Variants in ITGA9 observed in about 807,000 individuals in gnomAD.
ITGA9 encodes the protein integrin alpha-9.
Under a neutral mutation model 127.8 loss-of-function variants are expected in ITGA9, and 56 were observed. The observed-to-expected ratio is 0.44, with a 90% CI of 0.35 to 0.55. The LOEUF is 0.55. Among genes scored for constraint, ITGA9 ranks in the 20% least tolerant of loss-of-function variants. ITGA9 has a pLI of 0.00. For synonymous variants in ITGA9, 508 were observed against 514.5 expected, an observed-to-expected ratio of 0.99 and a Z score of 0.17; for missense variants, 1,196 against 1,347.1, an observed-to-expected ratio of 0.89 and a Z score of 1.76.
At chr3:37,804,494 G>A (rs1697270604) in intron 27 of ITGA9, among the ~76,000 whole-genome samples, 1 of 152,174 alleles carries the variant, frequency 6.6e-6, no homozygotes, top group Non-Finnish European at 1.5e-5. Context: ...AGAAAGGGGT[G>A]TCCTCATCCC....
chr3:37,495,917 A>T (rs986483477), intron 5 of ITGA9, among the ~76,000 whole-genome samples: 4 of 152,170 alleles, frequency 2.6e-5, no homozygotes, highest in African/African-American at 9.7e-5. Context: ...TTCCCAGTCC[A>T]TGGAGGATTA....
intron 23 of ITGA9, among the ~76,000 whole-genome samples, chr3:37,773,128 G>A (rs1466521194): frequency 6.6e-6 from 1 of 152,182 alleles, no homozygotes; most frequent in Non-Finnish European, 1.5e-5. Flanking sequence ...ACACTGGCTG[G>A]GCTGGAGCTC....
chr3:37,665,735 G>A (rs1207567476), intron 17 of ITGA9, among the ~76,000 whole-genome samples: 10 of 152,186 alleles, frequency 6.6e-5, no homozygotes, highest in African/African-American at 1.4e-4. Context: ...GATTACAGGC[G>A]TGAGCCACCG....
intron 18 of ITGA9, among the ~76,000 whole-genome samples, chr3:37,710,409 C>A (rs564447269): frequency 0.061 from 3,113 of 51,394 alleles, 49 homozygotes; most frequent in Middle Eastern, 0.12. Context: ...ATCCCCCCCC[C>A]ACACACATAA....
chr3:37,701,535 G>A (rs1331275972), intron 18 of ITGA9, among the ~76,000 whole-genome samples: 1 of 152,182 alleles, frequency 6.6e-6, no homozygotes, highest in Non-Finnish European at 1.5e-5. Flanking sequence ...GGAGTCTGGG[G>A]CCTTTATCCA....
chr3:37,471,165 G>T (rs755215406), intron 2 of ITGA9, 31 bp downstream of exon 2: 1 of 1,612,738 alleles, frequency 6.2e-7, no homozygotes, highest in Non-Finnish European at 8.5e-7. Flanking sequence ...TGGTGGAAAT[G>T]GGTTCTGTAC....
intron 3 of ITGA9, among the ~76,000 whole-genome samples, chr3:37,476,101 C>T (rs975548558): frequency 2.0e-5 from 3 of 152,168 alleles, no homozygotes; most frequent in Non-Finnish European, 2.9e-5. Flanking sequence ...TATTGACGGA[C>T]ATTTAGGTTG....
chr3:37,645,724 T>C (rs983682154), intron 16 of ITGA9, among the ~76,000 whole-genome samples: 1 of 152,208 alleles, frequency 6.6e-6, no homozygotes, highest in Non-Finnish European at 1.5e-5. Flanking sequence ...ATGTCAATAA[T>C]TGTATTTTTT....
chr3:37,686,042 A>T (rs547761693), intron 18 of ITGA9, among the ~76,000 whole-genome samples: 13 of 152,222 alleles, frequency 8.5e-5, no homozygotes, highest in Non-Finnish European at 1.3e-4. Context: ...ATTAAGTAAA[A>T]TTGTGAGAAA....
intron 8 of ITGA9, among the ~76,000 whole-genome samples, chr3:37,511,964 CTTT>C (rs67324027): frequency 0.15 from 13,000 of 88,410 alleles, 2,926 homozygotes; most frequent in East Asian, 0.28. Flanking sequence ...TGCTTTTTCT[CTTT>C]CTTTTCTTTT....
chr3:37,684,841 T>C (rs1355856935), intron 18 of ITGA9, among the ~76,000 whole-genome samples: 2 of 152,128 alleles, frequency 1.3e-5, no homozygotes, highest in Non-Finnish European at 2.9e-5. Flanking sequence ...TTAGAGTAAA[T>C]TAATTTGAAT....
chr3:37,733,997 C>T (rs1199254412), intron 19 of ITGA9, among the ~76,000 whole-genome samples: 4 of 152,198 alleles, frequency 2.6e-5, no homozygotes, highest in Admixed American at 2.6e-4. Flanking sequence ...TCACCATATA[C>T]ATATCAGGCA....
chr3:37,537,485 G>T (rs1323471214), intron 14 of ITGA9, among the ~76,000 whole-genome samples: 1 of 152,234 alleles, frequency 6.6e-6, no homozygotes, highest in Non-Finnish European at 1.5e-5. Flanking sequence ...GAGGACAACA[G>T]CTTCATAAAC....
At chr3:37,621,996 A>G (rs1175972372) in intron 15 of ITGA9, among the ~76,000 whole-genome samples, 1 of 152,188 alleles carries the variant, frequency 6.6e-6, no homozygotes, top group Admixed American at 6.5e-5. Context: ...TAGTTCAAAC[A>G]GTTCAAGCAT....
intron 17 of ITGA9, among the ~76,000 whole-genome samples, chr3:37,682,232 C>T (rs77185230): frequency 6.6e-6 from 1 of 152,228 alleles, no homozygotes; most frequent in African/African-American, 2.4e-5. Context: ...TTGTTCTCCT[C>T]CTACATCTCT....
At chr3:37,562,678 T>C (rs1468318950) in intron 15 of ITGA9, among the ~76,000 whole-genome samples, 1 of 152,152 alleles carries the variant, frequency 6.6e-6, no homozygotes, top group East Asian at 1.9e-4. Flanking sequence ...ATTTTGGCAG[T>C]TATATATTGG....
intron 18 of ITGA9, among the ~76,000 whole-genome samples, chr3:37,697,500 G>A (rs1234221621): frequency 1.4e-5 from 2 of 144,668 alleles, no homozygotes; most frequent in Admixed American, 1.4e-4. Flanking sequence ...CCAACCCCAC[G>A]ACAGGCCCCC....
intron 1 of ITGA9, among the ~76,000 whole-genome samples, chr3:37,458,649 G>C (rs886353349): frequency 3.3e-5 from 5 of 152,236 alleles, no homozygotes; most frequent in Non-Finnish European, 7.3e-5. Flanking sequence ...CCTGGAGCCT[G>C]CCACGCGTGA....
chr3:37,586,389 C>G (rs114896293), intron 15 of ITGA9, among the ~76,000 whole-genome samples: 1 of 152,188 alleles, frequency 6.6e-6, no homozygotes, highest in African/African-American at 2.4e-5. Flanking sequence ...CTTTCTCTGA[C>G]AGACGGCTCT....
Sources: allele counts gnomAD v4.1 joint callset (sites outside exome capture counted in the v4.1 genomes callset), GRCh38; gene constraint gnomAD v4.1.1; transcripts MANE v1.5; gene names NCBI Gene and HGNC (gene_info 2026-07-23, HGNC 2026-07-21).